Variants in BRWD1 observed in about 807,000 individuals in gnomAD.
BRWD1 encodes the protein bromodomain and WD repeat domain containing 1, also known as bromodomain and WD repeat-containing protein 1.
BRWD1 carries 82 observed loss-of-function variants against 251.2 expected under a neutral mutation model. The observed-to-expected ratio is 0.33, with a 90% CI of 0.27 to 0.39. The LOEUF (loss-of-function observed/expected upper bound fraction) is 0.39, where lower values mean the gene tolerates loss of function less well. Among genes scored for constraint, BRWD1 ranks in the 10% least tolerant of loss-of-function variants. The pLI, the probability that BRWD1 is intolerant of heterozygous loss-of-function variation, is 1.00. For missense variants in BRWD1, 2,233 were observed against 2,711.6 expected (o/e 0.82, Z 3.92); for synonymous variants, 918 against 902.8 (o/e 1.02, Z -0.30).
Position 39,278,828 on chromosome 21 carries a change from G to C in BRWD1, c.933-15C>G, listed in dbSNP as rs1320264489. 6 of 1,565,266 alleles carry C rather than the reference G, an allele frequency of 3.8e-6. No individual in the cohort carries two copies. Among genetic ancestry groups the C allele is most frequent in the Admixed American group, 2.0e-5 (1 of 50,810 alleles). ...GGGGACGTGGGCTTTAAAAGAAGAA[G>C]ATGCTGCTTTAAAATAGATTATTTT... On this transcript the variant is annotated splice_polypyrimidine_tract_variant and intron_variant, in intron 9 of 40. Coordinates refer to ENST00000342449, the MANE Select transcript of BRWD1 (RefSeq NM_033656.4).
intron 17 of BRWD1, among the ~76,000 whole-genome samples, chr21:39,263,243 A>G (rs2034813418): frequency 6.6e-6 from 1 of 152,230 alleles, no homozygotes; most frequent in South Asian, 2.1e-4. Context: ...TTTTTACTTT[A>G]TATATAGCTG....
At chr21:39,308,246 C>T (rs2036352807) in intron 4 of BRWD1, among the ~76,000 whole-genome samples, 1 of 152,068 alleles carries the variant, frequency 6.6e-6, no homozygotes, top group East Asian at 1.9e-4. Context: ...CTTTGGGAGG[C>T]CAATGCAGGT....
rs2031542186 is a variant in BRWD1, at chr21:39,191,326, G to T, written c.*4933C>A. On this transcript the variant is annotated 3_prime_UTR_variant, in exon 41 of 41. Transcript: ENST00000342449. ...CCTGCATGAAAAGAAATTACCAGTG[G>T]AAAAGAGGTTGGGGAACCACTTGGG... The T allele has an allele frequency of 1.0e-6, 1 of 985,194 alleles. No individual in the cohort carries two copies. Among genetic ancestry groups the T allele is most frequent in the Admixed American group, 6.2e-5 (1 of 16,228 alleles). The allele number at this position is 985,194 out of a possible 1,614,324, so 61.0% of individuals were successfully genotyped here. A position where few individuals can be genotyped will look rare whatever the true frequency, so the allele number is the denominator to read the frequency against.
chr21:39,294,654 C>CAAA lies in BRWD1; in HGVS notation c.610-625_610-623dup, dbSNP rs35545105. The stretch of plus-strand genomic sequence containing the variant: ...TAGGTGACAGAGTGAGACTCCGTCT[C>CAAA]AAAAAAAAAAAAAAAAAGTCTATTC... On this transcript the variant is annotated intron_variant, in intron 7 of 40. Transcript: ENST00000342449. Among the ~76,000 whole-genome samples, 84 of 98,816 alleles carry CAAA rather than the reference C, an allele frequency of 8.5e-4. 2 individuals are homozygous for CAAA. Among genetic ancestry groups the CAAA allele is most frequent in the African/African-American group, 3.6e-3 (80 of 21,950 alleles). 64.8% of individuals were successfully genotyped at this position (98,816 alleles called of 152,430 possible).
At chr21:39,232,896 C>A (rs889864688) in intron 23 of BRWD1, among the ~76,000 whole-genome samples, 1 of 152,112 alleles carries the variant, frequency 6.6e-6, no homozygotes, top group African/African-American at 2.4e-5. Context: ...CCGGTGATTT[C>A]AAAATATGCC....
At position 39,199,548 on chromosome 21, in the gene BRWD1, C is replaced by T; in HGVS notation, c.4868G>A (p.Gly1623Glu). 1 of 1,614,150 alleles carries T rather than the reference C, an allele frequency of 6.2e-7. No individual in the cohort carries two copies. Among genetic ancestry groups the T allele is most frequent in the Non-Finnish European group, 8.5e-7 (1 of 1,180,034 alleles). The change falls in exon 40 of 41, where the codon GGA (glycine) becomes GAA (glutamate). Residue 1623 changes from glycine to glutamate, a missense_variant. Gly to Glu is a moderately conservative substitution (Grantham distance 98). Around this residue, in one of 12 missense-constraint regions of BRWD1, gnomAD observed 928 missense variants for 970.0 expected, o/e 0.96. Coordinates refer to ENST00000342449, the MANE Select transcript of BRWD1 (RefSeq NM_033656.4). ...ETGEILKARAGNNRKVLRKCA... is the reference protein window; with the variant it reads ...ETGEILKARAENNRKVLRKCA... ...CTTCCTTAAGACTTTTCGGTTATTTCCAGCTCTGGCTTTTAGAATTTCACC... is the reference window on the plus strand; with the variant it reads ...CTTCCTTAAGACTTTTCGGTTATTTTCAGCTCTGGCTTTTAGAATTTCACC...
chr21:39,229,474 C>T (rs373754063), intron 25 of BRWD1, 38 bp from the exon 26 acceptor site: 14 of 1,549,288 alleles, frequency 9.0e-6, no homozygotes, highest in Admixed American at 6.9e-5. Flanking sequence ...AAAATAAAAG[C>T]AATTCCTTAA....
chr21:39,189,286 T>C lies in BRWD1; in HGVS notation c.*6973A>G, dbSNP rs2031419393. 1.0e-6 allele frequency: 1 copy of C among 984,722 alleles called. No homozygotes were observed. Among genetic ancestry groups the C allele is most frequent in the Non-Finnish European group, 1.2e-6 (1 of 829,284 alleles). 61.0% of individuals were successfully genotyped at this position (984,722 alleles called of 1,614,324 possible). On this transcript the variant is annotated 3_prime_UTR_variant, in exon 41 of 41. Transcript: ENST00000342449. ...TAACTGGTTCATTCCCAACAACCTA[T>C]TCATCCAGACAAATAGATAAAATTC... is the stretch of plus-strand genomic sequence containing the variant.
chr21:39,278,371 T>TCAC, intron 10 of BRWD1: 1 of 178,252 alleles, frequency 5.6e-6, no homozygotes. Flanking sequence ...AAAGAATAAT[T>TCAC]TCATCAAGAT....
rs2033519941 is a variant in BRWD1, at chr21:39,229,447, CAT to C, written c.3001-13_3001-12del. 10 of 1,598,854 alleles carry C rather than the reference CAT, an allele frequency of 6.3e-6. No individual in the cohort carries two copies. The highest frequency in any genetic ancestry group is 4.4e-5 in the South Asian group (4 of 90,162). On this transcript the variant is annotated splice_polypyrimidine_tract_variant and intron_variant, in intron 25 of 40. Coordinates refer to ENST00000342449, the MANE Select transcript of BRWD1 (RefSeq NM_033656.4). Reference sequence around the variant, plus strand: ...AACCAATTCTTGATCCTTTAACAGACATATTTTTTAATGGTTAAAATAAAAGC... The same window carrying C: ...AACCAATTCTTGATCCTTTAACAGACATTTTTTAATGGTTAAAATAAAAGC...
chr21:39,295,963 A>G, intron 6 of BRWD1, 60 bp from the exon 7 acceptor site: 6 of 1,381,708 alleles, frequency 4.3e-6, no homozygotes, highest in Non-Finnish European at 5.8e-6. Context: ...AATCTAAGAA[A>G]AACTCAAATA....
chr21:39,278,146 G>C (rs946504147), intron 10 of BRWD1, among the ~76,000 whole-genome samples: 4 of 152,012 alleles, frequency 2.6e-5, no homozygotes, highest in African/African-American at 4.8e-5. Context: ...CACTGTGCCT[G>C]GCCTCCCCAT....
rs8127969 is a variant in BRWD1, at chr21:39,227,200, G to A, written c.3208+1300C>T. On this transcript the variant is annotated intron_variant, in intron 27 of 40. Transcript: ENST00000342449. ...AGAAAGAAACTGCAGTAACTAGAAA[G>A]ATCAATGTCTTAACATCATTTATGA... 2.7e-4 allele frequency among the ~76,000 whole-genome samples: 41 copies of A among 152,228 alleles called. 2 individuals are homozygous for A. The highest frequency in any genetic ancestry group is 9.4e-4 in the African/African-American group (39 of 41,554).
intron 15 of BRWD1, 59 bp from the exon 16 acceptor site, chr21:39,265,078 A>C (rs1185426803): frequency 3.0e-5 from 46 of 1,550,544 alleles, no homozygotes; most frequent in Non-Finnish European, 4.0e-5. Flanking sequence ...TTTGCTATGT[A>C]AACTTTTTTA....
At chr21:39,282,687 G>A (rs1473574423) in intron 8 of BRWD1, among the ~76,000 whole-genome samples, 2 of 152,128 alleles carry the variant, frequency 1.3e-5, no homozygotes, top group East Asian at 3.9e-4. Flanking sequence ...GCCAAGCACA[G>A]TTGCTCATGC....
Position 39,194,968 on chromosome 21 carries a change from C to T in BRWD1, c.*1291G>A, listed in dbSNP as rs772131186. 5 of 1,446,544 alleles carry T rather than the reference C, an allele frequency of 3.5e-6. No homozygotes were observed. The South Asian group carries it at 7.3e-5, about 21-fold the overall frequency. 89.6% of individuals were successfully genotyped at this position (1,446,544 alleles called of 1,614,324 possible). On this transcript the variant is annotated 3_prime_UTR_variant, in exon 41 of 41. Coordinates refer to ENST00000342449, the MANE Select transcript of BRWD1 (RefSeq NM_033656.4). The stretch of plus-strand genomic sequence containing the variant: ...TGTAAACCATTTGAATCAAGTCCAT[C>T]TTCAGGCACAAACAAGTTAGGAATG...
At chr21:39,219,964 C>T (rs1039900130) in intron 29 of BRWD1, among the ~76,000 whole-genome samples, 1 of 152,160 alleles carries the variant, frequency 6.6e-6, no homozygotes, top group Non-Finnish European at 1.5e-5. Context: ...CAGAGTTATG[C>T]TTTCAGTATT....
At chr21:39,278,278 T>C (rs961763135) in intron 10 of BRWD1, among the ~76,000 whole-genome samples, 3 of 152,210 alleles carry the variant, frequency 2.0e-5, no homozygotes, top group Non-Finnish European at 4.4e-5. Context: ...TGTTCAAGTT[T>C]TCAGATTTTA....
Position 39,290,986 on chromosome 21 carries a change from G to A in BRWD1, c.831+2825C>T, listed in dbSNP as rs144172528. ...ATCCCTATAAAGAATTTAAAAAGCC[G>A]GGGTTGGTAAGCACACACCTGTGGC... On this transcript the variant is annotated intron_variant, in intron 8 of 40. Transcript: ENST00000342449. 4.2e-3 allele frequency among the ~76,000 whole-genome samples: 644 copies of A among 152,148 alleles called. 14 individuals are homozygous for A. The highest frequency in any genetic ancestry group is 0.039 in the Admixed American group (597 of 15,250).
Sources: gnomAD v4.1 joint callset for allele counts (sites outside exome capture counted in the v4.1 genomes callset) on GRCh38, gnomAD v4.1.1 for gene constraint, gnomAD v4.1.1 regional missense constraint, MANE v1.5 for transcripts, NCBI Gene and HGNC (gene_info 2026-07-23, HGNC 2026-07-21) for gene names.